Variants in PCSK2 observed in about 807,000 individuals in gnomAD.
The protein encoded by PCSK2 is neuroendocrine convertase 2.
PCSK2 carries 14 observed loss-of-function variants against 69.7 expected under a neutral mutation model. The ratio of observed to expected loss-of-function variants is 0.20; its 90% CI spans 0.13 to 0.31. The LOEUF is 0.31. Ranked by LOEUF, PCSK2 falls within the 10% of genes least tolerant of loss-of-function variation. The probability of loss-of-function intolerance (pLI) is 1.00; values close to 1 mark genes in which losing one functional copy is unlikely to be tolerated. For missense variants in PCSK2, 544 were observed against 842.5 expected, an observed-to-expected ratio of 0.65 and a Z score of 4.39; for synonymous variants, 307 against 320.7, an observed-to-expected ratio of 0.96 and a Z score of 0.46.
chr20:17,338,474 T>C (rs6044744), intron 2 of PCSK2, among the ~76,000 whole-genome samples: 59,632 of 151,902 alleles, frequency 0.39, 12,884 homozygotes, highest in African/African-American at 0.57. Flanking sequence ...AGATTACCAG[T>C]GTGAGCCACC....
chr20:17,415,873 C>T (rs971284434), intron 6 of PCSK2, among the ~76,000 whole-genome samples: 8 of 152,140 alleles, frequency 5.3e-5, no homozygotes, highest in African/African-American at 1.7e-4. Context: ...TAACACCACA[C>T]ATCTACAACT....
At chr20:17,427,541 T>G (rs2032273845) in intron 6 of PCSK2, among the ~76,000 whole-genome samples, 2 of 152,208 alleles carry the variant, frequency 1.3e-5, no homozygotes, top group Admixed American at 1.3e-4. Context: ...CCCTCTAGCC[T>G]TGTTCATTCA....
At chr20:17,463,671 C>G (rs1393837334) in intron 10 of PCSK2, 83 of 148,728 alleles carry the variant, frequency 5.6e-4, no homozygotes, top group Admixed American at 4.0e-3. Flanking sequence ...CCCCACCCCC[C>G]ACACACACAC....
intron 4 of PCSK2, among the ~76,000 whole-genome samples, chr20:17,362,414 T>G (rs2030426470): frequency 6.6e-6 from 1 of 152,224 alleles, no homozygotes; most frequent in South Asian, 2.1e-4. Context: ...TTCTGTGGGT[T>G]GCTGGAGTTC....
chr20:17,472,918 C>T (rs555574104), intron 11 of PCSK2, among the ~76,000 whole-genome samples: 1 of 152,046 alleles, frequency 6.6e-6, no homozygotes. Context: ...TCCCCAGGGC[C>T]TCCTGGGAAG....
rs1449315757 is a variant in PCSK2, at chr20:17,453,586, C to T, written c.886-156C>T. On this transcript the variant is annotated intron_variant, in intron 8 of 11. Transcript: ENST00000262545. The surrounding 1 kb of genome is among the most constrained non-coding windows in gnomAD (Gnocchi z 4.0). ...GGAAAAAAAAAGTTTCCCACAATGC[C>T]CTGCCAGAAGGATATGGTGTCCAAC... 6.6e-6 allele frequency among the ~76,000 whole-genome samples: 1 copy of T among 152,166 alleles called. No individual in the cohort carries two copies. The highest frequency in any genetic ancestry group is 1.9e-4 in the East Asian group (1 of 5,198).
In PCSK2 at chr20:17,369,253, C is replaced by G; in HGVS notation, c.519C>G (p.Leu173=). 6.2e-7 allele frequency: 1 copy of G among 1,613,874 alleles called. No individual in the cohort carries two copies. Among genetic ancestry groups the G allele is most frequent in the South Asian group, 1.1e-5 (1 of 91,058 alleles). The part of the protein sequence containing the change: ...IGIMDDGIDY[L]HPDLASNYNA... ...GTCTTTTCACAGGGATTGACTATCT[C>G]CACCCGGACCTGGCCTCCAACTATG... is the stretch of plus-strand genomic sequence containing the variant. Residue 173 remains leucine (L), a synonymous_variant, in exon 5 of 12, where the codon CTC becomes CTG. Transcript: ENST00000262545.
At position 17,472,513 on chromosome 20, in the gene PCSK2, G is replaced by A. The variant is rs375619861; in HGVS notation, c.1430+6960G>A. Among the ~76,000 whole-genome samples the A allele has an allele frequency of 3.9e-5, 6 of 152,252 alleles. No homozygotes were observed. The East Asian group carries it at 1.2e-3, about 29-fold the overall frequency. ...AGGCATCTTGGGCACTTGAGAAAGA[G>A]TGGCTGTCATTGTTACTATTGTGAT... On this transcript the variant is annotated intron_variant, in intron 11 of 11. Transcript: ENST00000262545.
intron 2 of PCSK2, among the ~76,000 whole-genome samples, chr20:17,303,495 A>AATATAATATATATTAT (rs1989201290): frequency 1.6e-5 from 1 of 62,814 alleles, no homozygotes; most frequent in Non-Finnish European, 3.2e-5. Flanking sequence ...TATTATATTT[A>AATATAATATATATTAT]ATATAATATA....
intron 5 of PCSK2, among the ~76,000 whole-genome samples, chr20:17,406,378 T>C (rs1215939327): frequency 1.3e-5 from 2 of 152,234 alleles, no homozygotes; most frequent in African/African-American, 2.4e-5. Flanking sequence ...TAATGTTCAG[T>C]GTAGACTGTT....
chr20:17,399,041 G>T (rs1478661296), intron 5 of PCSK2, among the ~76,000 whole-genome samples: 2 of 151,988 alleles, frequency 1.3e-5, no homozygotes, highest in Non-Finnish European at 2.9e-5. Context: ...CAATAAATTT[G>T]TTCAATGAAA....
intron 6 of PCSK2, among the ~76,000 whole-genome samples, chr20:17,419,965 T>C (rs1186167156): frequency 6.6e-6 from 1 of 152,154 alleles, no homozygotes; most frequent in African/African-American, 2.4e-5. Flanking sequence ...GCAGAAAGTT[T>C]ACTATAAATT....
chr20:17,335,427 T>TTGTGTGTGTGTGTGTGTGTG (rs56275148), intron 2 of PCSK2, among the ~76,000 whole-genome samples: 1,751 of 139,218 alleles, frequency 0.013, 28 homozygotes, highest in African/African-American at 0.026. Context: ...CAGCATCACT[T>TTGTGTGTGTGTGTGTGTGTG]TGTGTGTGTG....
At chr20:17,408,664 G>A (rs903340056) in intron 5 of PCSK2, among the ~76,000 whole-genome samples, 2 of 152,192 alleles carry the variant, frequency 1.3e-5, no homozygotes, top group Non-Finnish European at 2.9e-5. Context: ...TTGTATTCCC[G>A]TACTTAGCAA....
intron 2 of PCSK2, among the ~76,000 whole-genome samples, chr20:17,297,910 T>C (rs972711346): frequency 6.6e-6 from 1 of 152,246 alleles, no homozygotes; most frequent in Non-Finnish European, 1.5e-5. Context: ...AAGCTAAAAG[T>C]ATTTTTATTT....
chr20:17,442,602 C>T (rs1217598746), intron 8 of PCSK2, among the ~76,000 whole-genome samples: 1 of 152,190 alleles, frequency 6.6e-6, no homozygotes, highest in Non-Finnish European at 1.5e-5. Context: ...CCCTCCCTCC[C>T]TTCTCTGATG....
chr20:17,266,740 G>A (rs1350716154), intron 2 of PCSK2, among the ~76,000 whole-genome samples: 1 of 152,150 alleles, frequency 6.6e-6, no homozygotes, highest in Non-Finnish European at 1.5e-5. Context: ...CTCAGAAACA[G>A]GGGTGGCCCT....
chr20:17,315,925 A>C (rs992068875), intron 2 of PCSK2, among the ~76,000 whole-genome samples: 1 of 151,812 alleles, frequency 6.6e-6, no homozygotes, highest in African/African-American at 2.4e-5. Context: ...AGCTGCGTCC[A>C]CTCCCCAGGG....
chr20:17,406,828 C>T (rs984760383), intron 5 of PCSK2, among the ~76,000 whole-genome samples: 37 of 152,202 alleles, frequency 2.4e-4, no homozygotes, highest in Admixed American at 2.4e-3. Context: ...TCAGTCCGCT[C>T]AGGTTTTGCC....
Sources: allele counts gnomAD v4.1 joint callset (sites outside exome capture counted in the v4.1 genomes callset), GRCh38; gene constraint gnomAD v4.1.1; non-coding constraint Gnocchi (gnomAD v3.1); transcripts MANE v1.5; gene names NCBI Gene and HGNC (gene_info 2026-07-23, HGNC 2026-07-21).